CLSTN2: variants seen among roughly 807,000 people sequenced by gnomAD.
CLSTN2 encodes calsyntenin 2.
Under a neutral mutation model 101.2 loss-of-function variants are expected in CLSTN2, and 48 were observed. That is an observed-to-expected ratio of 0.47 (90% CI 0.38 to 0.60). The LOEUF is 0.60. Ranked by LOEUF, CLSTN2 falls within the 20% of genes least tolerant of loss-of-function variation. CLSTN2 has a pLI of 0.00. For missense variants in CLSTN2, 1,160 were observed against 1,238.2 expected, an observed-to-expected ratio of 0.94 and a Z score of 0.95; for synonymous variants, 481 against 463.6, an observed-to-expected ratio of 1.04 and a Z score of -0.48.
At chr3:140,072,040 A>G (rs561548538) in intron 1 of CLSTN2, among the ~76,000 whole-genome samples, 1 of 152,174 alleles carries the variant, frequency 6.6e-6, no homozygotes, top group Non-Finnish European at 1.5e-5. Flanking sequence ...GAATAATTGC[A>G]ATCTTGTTGG....
intron 2 of CLSTN2, among the ~76,000 whole-genome samples, chr3:140,217,090 G>A (rs1472094777): frequency 2.0e-5 from 3 of 152,136 alleles, no homozygotes; most frequent in Non-Finnish European, 4.4e-5. Context: ...ACTCCAGGGT[G>A]CAGTTTTTTT....
At chr3:140,486,331 T>TC (rs1173901509) in intron 8 of CLSTN2, among the ~76,000 whole-genome samples, 1 of 152,212 alleles carries the variant, frequency 6.6e-6, no homozygotes, top group Non-Finnish European at 1.5e-5. Flanking sequence ...TGTCCTTCCT[T>TC]CTTTCATTTC....
At chr3:140,195,090 C>T (rs1011507816) in intron 2 of CLSTN2, among the ~76,000 whole-genome samples, 2 of 152,166 alleles carry the variant, frequency 1.3e-5, no homozygotes, top group Non-Finnish European at 2.9e-5. Context: ...CATTACAGCC[C>T]CATGAGTGTG....
chr3:140,099,872 C>T (rs2008935987), intron 1 of CLSTN2, among the ~76,000 whole-genome samples: 1 of 152,182 alleles, frequency 6.6e-6, no homozygotes, highest in Non-Finnish European at 1.5e-5. Context: ...GGATCAGCTT[C>T]TGTTGGCCAG....
intron 5 of CLSTN2, among the ~76,000 whole-genome samples, chr3:140,444,794 A>T (rs576538157): frequency 6.6e-6 from 1 of 152,338 alleles, no homozygotes; most frequent in East Asian, 1.9e-4. Flanking sequence ...AAAGTTACAC[A>T]GTAAGTGGTA....
intron 2 of CLSTN2, among the ~76,000 whole-genome samples, chr3:140,315,424 T>C (rs1004833647): frequency 6.6e-6 from 1 of 152,206 alleles, no homozygotes; most frequent in Non-Finnish European, 1.5e-5. Context: ...GCTTCTCTGA[T>C]TTAAAGCCCC....
At chr3:140,107,062 A>G (rs1470244536) in intron 1 of CLSTN2, among the ~76,000 whole-genome samples, 2 of 152,212 alleles carry the variant, frequency 1.3e-5, no homozygotes, top group African/African-American at 4.8e-5. Flanking sequence ...AACAATCTAT[A>G]TGAATCCTTT....
At chr3:140,200,671 T>G (rs1191140354) in intron 2 of CLSTN2, among the ~76,000 whole-genome samples, 1 of 152,228 alleles carries the variant, frequency 6.6e-6, no homozygotes. Context: ...TTCCTCAATC[T>G]CATTAAGACA....
At chr3:140,075,086 TC>T (rs1462955799) in intron 1 of CLSTN2, among the ~76,000 whole-genome samples, 2 of 152,250 alleles carry the variant, frequency 1.3e-5, no homozygotes, top group African/African-American at 4.8e-5. Flanking sequence ...TTTGCTCCTT[TC>T]TTTTTGTGAG....
chr3:139,996,180 T>C (rs910723843), intron 1 of CLSTN2, among the ~76,000 whole-genome samples: 3 of 152,182 alleles, frequency 2.0e-5, no homozygotes, highest in Non-Finnish European at 4.4e-5. Flanking sequence ...TGGTTTTACT[T>C]GTGCTGAACA....
At chr3:140,436,004 T>G (rs769949106) in intron 5 of CLSTN2, among the ~76,000 whole-genome samples, 19 of 152,262 alleles carry the variant, frequency 1.2e-4, no homozygotes, top group Non-Finnish European at 2.5e-4. Context: ...GGCATAGATC[T>G]TCTTCCATTC....
At chr3:140,563,386 G>A (rs1559906047) in intron 15 of CLSTN2, among the ~76,000 whole-genome samples, 183 bp downstream of exon 15, 1 of 152,210 alleles carries the variant, frequency 6.6e-6, no homozygotes, top group Non-Finnish European at 1.5e-5. Context: ...CAGTCGATAA[G>A]TAAACAAGAA....
intron 2 of CLSTN2, among the ~76,000 whole-genome samples, chr3:140,247,857 C>T (rs1003910224): frequency 2.0e-5 from 3 of 152,206 alleles, no homozygotes. Context: ...AATACCTTCA[C>T]AGGTAAAGAC....
chr3:140,552,893 A>G (rs985767496), intron 10 of CLSTN2, among the ~76,000 whole-genome samples: 1 of 152,186 alleles, frequency 6.6e-6, no homozygotes, highest in South Asian at 2.1e-4. Context: ...AGGAGCAGAA[A>G]AACCTTTTAA....
intron 8 of CLSTN2, among the ~76,000 whole-genome samples, chr3:140,514,496 T>G (rs1934879694): frequency 6.6e-6 from 1 of 152,190 alleles, no homozygotes; most frequent in South Asian, 2.1e-4. Context: ...ATACTACATA[T>G]ACATATACTA....
chr3:140,408,585 G>A (rs2088330469), intron 4 of CLSTN2, among the ~76,000 whole-genome samples: 1 of 152,146 alleles, frequency 6.6e-6, no homozygotes, highest in African/African-American at 2.4e-5. Flanking sequence ...AACCAGTATA[G>A]CCATAGGGGC....
intron 2 of CLSTN2, among the ~76,000 whole-genome samples, chr3:140,185,845 C>T (rs2010478439): frequency 6.6e-6 from 1 of 152,092 alleles, no homozygotes; most frequent in African/African-American, 2.4e-5. Context: ...AGTGTGTGGT[C>T]CCTGAAGGGA....
At position 140,257,051 on chromosome 3, in the gene CLSTN2, G is replaced by A. The variant is rs140189169; in HGVS notation, c.232+80978G>A. ...CGCTTGTAATCCCAGCACTTTGAAT[G>A]GGCACTTAATATTTTTTTAAAAAAC... is the stretch of plus-strand genomic sequence containing the variant. On this transcript the variant is annotated intron_variant, in intron 2 of 16. Coordinates refer to ENST00000458420, the MANE Select transcript of CLSTN2 (RefSeq NM_022131.3). 1.3e-3 allele frequency among the ~76,000 whole-genome samples: 200 copies of A among 152,202 alleles called. 3 individuals carry two copies. In the South Asian group the frequency reaches 0.019, roughly 14 times the overall value.
intron 1 of CLSTN2, among the ~76,000 whole-genome samples, chr3:140,080,959 G>C (rs2008587919): frequency 6.6e-6 from 1 of 152,218 alleles, no homozygotes; most frequent in South Asian, 2.1e-4. Context: ...GTGAAAGTGA[G>C]TCAGTAAAGT....
Sources: gnomAD v4.1 joint callset for allele counts (sites outside exome capture counted in the v4.1 genomes callset) on GRCh38, gnomAD v4.1.1 for gene constraint, MANE v1.5 for transcripts, NCBI Gene and HGNC (gene_info 2026-07-23, HGNC 2026-07-21) for gene names.